The following MACROD2 variants were observed in gnomAD, a reference collection of about 807,000 sequenced individuals.
MACROD2 encodes ADP-ribose glycohydrolase MACROD2.
A neutral mutation model predicts 70.4 loss-of-function variants in MACROD2; 36 were observed. The observed-to-expected ratio is 0.51, with a 90% CI of 0.39 to 0.68. The LOEUF (loss-of-function observed/expected upper bound fraction) is 0.68, where lower values mean the gene tolerates loss of function less well. Among genes scored for constraint, MACROD2 ranks in the 30% least tolerant of loss-of-function variants. MACROD2 has a pLI of 0.00. For missense variants in MACROD2, 496 were observed against 538.4 expected (o/e 0.92, Z 0.78); for synonymous variants, 172 against 178.8 (o/e 0.96, Z 0.30).
At chr20:15,580,556 C>T (rs1374998752) in intron 8 of MACROD2, among the ~76,000 whole-genome samples, 2 of 152,148 alleles carry the variant, frequency 1.3e-5, no homozygotes, top group African/African-American at 2.4e-5. Context: ...TAAGTGACAC[C>T]TCCATCTACT....
At chr20:14,730,531 A>T (rs774645432) in intron 5 of MACROD2, among the ~76,000 whole-genome samples, 9 of 152,172 alleles carry the variant, frequency 5.9e-5, no homozygotes, top group African/African-American at 2.2e-4. Context: ...TTATAAACCC[A>T]GTGAAACTGT....
chr20:15,866,947 C>T (rs2147171914), intron 9 of MACROD2, among the ~76,000 whole-genome samples: 1 of 152,196 alleles, frequency 6.6e-6, no homozygotes, highest in Non-Finnish European at 1.5e-5. Context: ...TTTGTCAGGC[C>T]TCTAAAAACA....
intron 5 of MACROD2, among the ~76,000 whole-genome samples, chr20:15,034,075 G>A (rs893596846): frequency 2.6e-5 from 4 of 152,168 alleles, no homozygotes; most frequent in African/African-American, 7.2e-5. Context: ...CGAGAGGAAC[G>A]TAGCCTGTCA....
intron 3 of MACROD2, among the ~76,000 whole-genome samples, chr20:14,427,887 A>G (rs1600227998): frequency 6.9e-6 from 1 of 145,300 alleles, no homozygotes; most frequent in African/African-American, 2.9e-5. Flanking sequence ...AATGCTGTAT[A>G]ATGTTCTCTT....
intron 8 of MACROD2, among the ~76,000 whole-genome samples, chr20:15,661,375 GAGA>G (rs2049819639): frequency 1.3e-5 from 2 of 152,276 alleles, no homozygotes; most frequent in Non-Finnish European, 2.9e-5. Flanking sequence ...AAACATGATG[GAGA>G]AGGTTACAGG....
At chr20:14,468,527 G>T (rs1366242395) in intron 3 of MACROD2, among the ~76,000 whole-genome samples, 3 of 141,740 alleles carry the variant, frequency 2.1e-5, no homozygotes, top group African/African-American at 5.2e-5. Flanking sequence ...GGGGGGGGGC[G>T]TTGGGGGCAC....
chr20:15,669,151 G>C (rs1433941498), intron 8 of MACROD2, among the ~76,000 whole-genome samples: 2 of 152,184 alleles, frequency 1.3e-5, no homozygotes, highest in African/African-American at 4.8e-5. Flanking sequence ...CTAGCTTGAT[G>C]TAACAGATCT....
At chr20:14,439,427 A>G (rs1363847685) in intron 3 of MACROD2, among the ~76,000 whole-genome samples, 1 of 152,120 alleles carries the variant, frequency 6.6e-6, no homozygotes, top group East Asian at 1.9e-4. Context: ...TTCATTTTCT[A>G]AAAACCACAC....
At chr20:15,009,830 T>C (rs2075068358) in intron 5 of MACROD2, among the ~76,000 whole-genome samples, 1 of 151,932 alleles carries the variant, frequency 6.6e-6, no homozygotes, top group Non-Finnish European at 1.5e-5. Flanking sequence ...TATGGATTGT[T>C]TTCTGAAAAT....
chr20:15,564,127 G>A (rs892981199), intron 8 of MACROD2, among the ~76,000 whole-genome samples: 4 of 152,270 alleles, frequency 2.6e-5, no homozygotes, highest in Admixed American at 2.0e-4. Flanking sequence ...TTCAGTCCTT[G>A]AAAGATAATT....
intron 5 of MACROD2, among the ~76,000 whole-genome samples, chr20:14,819,582 C>G (rs2072816391): frequency 6.6e-6 from 1 of 151,974 alleles, no homozygotes; most frequent in Admixed American, 6.6e-5. Context: ...TTAAACAGAT[C>G]AGTACATACC....
intron 5 of MACROD2, among the ~76,000 whole-genome samples, chr20:15,055,585 T>C (rs898340498): frequency 2.6e-5 from 4 of 152,060 alleles, no homozygotes; most frequent in African/African-American, 9.7e-5. Context: ...GGAAGGTAAA[T>C]TGGGAGGCGG....
In MACROD2 at chr20:14,757,744, T is replaced by C; in HGVS notation, c.418+72785T>C. 2.6e-6 allele frequency: 4 copies of C among 1,532,188 alleles called. No homozygotes were observed. The South Asian group carries it at 4.5e-5, about 17-fold the overall frequency. The allele number at this position is 1,532,188 out of a possible 1,614,324, so 94.9% of individuals were successfully genotyped here. A position where few individuals can be genotyped will look rare whatever the true frequency, so the allele number is the denominator to read the frequency against. On this transcript the variant is annotated intron_variant, in intron 5 of 17. Transcript: ENST00000684519. ...CCCGAGGCTACGTGAAGGCACAGTT[T>C]GCCTGGAGACATTTCTACTGGTACC...
At chr20:14,402,599 G>A (rs1311237288) in intron 3 of MACROD2, among the ~76,000 whole-genome samples, 1 of 152,074 alleles carries the variant, frequency 6.6e-6, no homozygotes, top group Non-Finnish European at 1.5e-5. Flanking sequence ...GAAATGTTAT[G>A]ATAGTTTATA....
chr20:14,110,362 C>T (rs555090750), intron 3 of MACROD2, among the ~76,000 whole-genome samples: 1 of 151,808 alleles, frequency 6.6e-6, no homozygotes, highest in Admixed American at 6.6e-5. Context: ...TTCAACATTG[C>T]ATTGGGAATT....
At chr20:15,985,167 TC>T (rs1165013101) in intron 13 of MACROD2, among the ~76,000 whole-genome samples, 1 of 152,176 alleles carries the variant, frequency 6.6e-6, no homozygotes, top group African/African-American at 2.4e-5. Context: ...TTAACATAGT[TC>T]CTAGTAGGGT....
At chr20:14,419,325 A>AT (rs1275984860) in intron 3 of MACROD2, among the ~76,000 whole-genome samples, 2 of 152,176 alleles carry the variant, frequency 1.3e-5, no homozygotes, top group Non-Finnish European at 2.9e-5. Context: ...AATTGCTGGG[A>AT]TTACAGGCGT....
chr20:14,767,612 C>A (rs1168445015), intron 5 of MACROD2, among the ~76,000 whole-genome samples: 1 of 151,810 alleles, frequency 6.6e-6, no homozygotes, highest in Non-Finnish European at 1.5e-5. Flanking sequence ...ATTGGGGTAA[C>A]CATACTTGTC....
intron 2 of MACROD2, among the ~76,000 whole-genome samples, chr20:14,005,912 C>T (rs986530566): frequency 6.6e-6 from 1 of 152,046 alleles, no homozygotes; most frequent in Non-Finnish European, 1.5e-5. Context: ...TTTTTCCAAA[C>T]TTTTAATGAG....
Sources: gnomAD v4.1 joint callset for allele counts (sites outside exome capture counted in the v4.1 genomes callset) on GRCh38, gnomAD v4.1.1 for gene constraint, MANE v1.5 for transcripts, NCBI Gene and HGNC (gene_info 2026-07-23, HGNC 2026-07-21) for gene names.